Variants in EEFSEC observed in about 807,000 individuals in gnomAD.
EEFSEC encodes the protein selenocysteine-specific elongation factor.
In EEFSEC, 43 loss-of-function variants were observed where a neutral mutation model predicts 42.1. That is an observed-to-expected ratio of 1.02 (90% confidence interval 0.80 to 1.32). EEFSEC has a LOEUF of 1.32. Ranked by LOEUF, EEFSEC falls within the 40% of genes most tolerant of loss-of-function variation. EEFSEC has a pLI of 0.00. For missense variants in EEFSEC, 745 were observed against 803.6 expected (o/e 0.93, Z 0.88); for synonymous variants, 354 against 339.1 (o/e 1.04, Z -0.48).
intron 1 of EEFSEC, among the ~76,000 whole-genome samples, chr3:128,192,220 C>G (rs1191359107): frequency 6.6e-6 from 1 of 152,154 alleles, no homozygotes; most frequent in Non-Finnish European, 1.5e-5. Context: ...CTCCGGGTCT[C>G]AACCTATCCA....
At chr3:128,357,228 G>A (rs1272963017) in intron 5 of EEFSEC, among the ~76,000 whole-genome samples, 3 of 152,282 alleles carry the variant, frequency 2.0e-5, no homozygotes, top group Non-Finnish European at 4.4e-5. Context: ...CTGGGCTGGA[G>A]CTGCCAGAGA....
At chr3:128,162,643 C>A (rs2065202023) in intron 1 of EEFSEC, among the ~76,000 whole-genome samples, 1 of 152,136 alleles carries the variant, frequency 6.6e-6, no homozygotes, top group African/African-American at 2.4e-5. Context: ...GAGCAGGAAC[C>A]AACAGGAAAG....
chr3:128,218,386 A>G (rs1035793935), intron 1 of EEFSEC, among the ~76,000 whole-genome samples: 5 of 152,234 alleles, frequency 3.3e-5, no homozygotes, highest in Non-Finnish European at 7.3e-5. Flanking sequence ...AGTGCTTGAT[A>G]GAGTGGCCAG....
intron 5 of EEFSEC, among the ~76,000 whole-genome samples, chr3:128,357,727 G>C (rs992628742): frequency 3.3e-5 from 5 of 152,056 alleles, no homozygotes; most frequent in Non-Finnish European, 7.4e-5. Flanking sequence ...GAGCGGCCCG[G>C]GTGACTGTGA....
intron 4 of EEFSEC, among the ~76,000 whole-genome samples, chr3:128,293,660 C>CAAAAAAAAAAAAAAAAAAAAAA (rs759485696): frequency 9.9e-4 from 14 of 14,130 alleles, no homozygotes; most frequent in Non-Finnish European, 1.2e-3. Flanking sequence ...GACTCTATCT[C>CAAAAAAAAAAAAAAAAAAAAAA]AAAAAAAAAA....
chr3:128,228,417 T>A (rs1248115519), intron 1 of EEFSEC, among the ~76,000 whole-genome samples: 2 of 152,126 alleles, frequency 1.3e-5, no homozygotes, highest in African/African-American at 4.8e-5. Flanking sequence ...CACATGTGCA[T>A]GGGCCACGGT....
At chr3:128,351,893 G>C (rs2067390106) in intron 5 of EEFSEC, among the ~76,000 whole-genome samples, 1 of 152,220 alleles carries the variant, frequency 6.6e-6, no homozygotes, top group South Asian at 2.1e-4. Context: ...TTGTAACTGT[G>C]CTGGCCTGGA....
chr3:128,382,470 C>A (rs374548070), intron 6 of EEFSEC, among the ~76,000 whole-genome samples: 1 of 152,162 alleles, frequency 6.6e-6, no homozygotes, highest in Non-Finnish European at 1.5e-5. Context: ...TGCGTGCTCA[C>A]GCTTTTGTGT....
intron 4 of EEFSEC, among the ~76,000 whole-genome samples, chr3:128,325,288 A>G (rs1470445319): frequency 6.6e-6 from 1 of 152,172 alleles, no homozygotes; most frequent in African/African-American, 2.4e-5. Context: ...TTTGCTCCAG[A>G]TTTGGACCCA....
intron 5 of EEFSEC, 118 bp downstream of exon 5, chr3:128,342,007 C>A: frequency 7.4e-7 from 1 of 1,354,632 alleles, no homozygotes; most frequent in Non-Finnish European, 9.8e-7. Context: ...CTGGTGCCAA[C>A]CTCTGTAGTT....
At chr3:128,321,582 C>G (rs1251809970) in intron 4 of EEFSEC, among the ~76,000 whole-genome samples, 1 of 152,158 alleles carries the variant, frequency 6.6e-6, no homozygotes, top group Non-Finnish European at 1.5e-5. Context: ...TGCTGCCTGC[C>G]CAGGCCACGG....
At chr3:128,272,827 A>C (rs975251869) in intron 4 of EEFSEC, among the ~76,000 whole-genome samples, 1 of 152,120 alleles carries the variant, frequency 6.6e-6, no homozygotes, top group African/African-American at 2.4e-5. Flanking sequence ...TGGTTCACTA[A>C]GAAATTTGGG....
At chr3:128,238,693 T>A (rs1446994529) in intron 1 of EEFSEC, among the ~76,000 whole-genome samples, 2 of 152,346 alleles carry the variant, frequency 1.3e-5, no homozygotes, top group Middle Eastern at 3.4e-3. Flanking sequence ...TTCATCATGT[T>A]AGCCCAAGCT....
chr3:128,280,299 T>C (rs1231176361), intron 4 of EEFSEC, among the ~76,000 whole-genome samples: 1 of 152,236 alleles, frequency 6.6e-6, no homozygotes, highest in African/African-American at 2.4e-5. Flanking sequence ...TTAATTGGTG[T>C]TTAAATCTTT....
In EEFSEC at chr3:128,395,780, C is replaced by T. The variant is rs938955208; in HGVS notation, c.1601-12289C>T. 3.9e-5 allele frequency among the ~76,000 whole-genome samples: 6 copies of T among 152,292 alleles called. No individual in the cohort carries two copies. The East Asian group carries it at 5.8e-4, about 15-fold the overall frequency. ...TGTAGCTTAGTTAGCCCCGAGCTGA[C>T]GGAGACACAATGATACAGCACCCTC... On this transcript the variant is annotated intron_variant, in intron 6 of 6. Coordinates refer to ENST00000254730, the MANE Select transcript of EEFSEC (RefSeq NM_021937.5).
intron 6 of EEFSEC, chr3:128,362,120 C>G (rs1313793455): frequency 2.3e-6 from 1 of 425,648 alleles, no homozygotes; most frequent in Non-Finnish European, 4.9e-6. Flanking sequence ...TGGAGAAGCA[C>G]TGCACCTGGG....
chr3:128,407,931 A>G (rs1335536904), intron 6 of EEFSEC, 138 bp from the exon 7 acceptor site: 4 of 783,060 alleles, frequency 5.1e-6, no homozygotes, highest in African/African-American at 3.5e-5. Context: ...AAATGTCAGA[A>G]TGGACCACAG....
intron 1 of EEFSEC, among the ~76,000 whole-genome samples, chr3:128,176,185 CT>C (rs5852535): frequency 0.15 from 21,912 of 147,650 alleles, 1,699 homozygotes; most frequent in Admixed American, 0.21. Context: ...TCTTATTTTC[CT>C]TTTTTTTTTG....
intron 6 of EEFSEC, among the ~76,000 whole-genome samples, chr3:128,370,159 A>G (rs2067636895): frequency 6.6e-6 from 1 of 152,168 alleles, no homozygotes; most frequent in African/African-American, 2.4e-5. Flanking sequence ...GGTCTGTCTG[A>G]TATTTCTTCA....
Sources: allele counts gnomAD v4.1 joint callset (sites outside exome capture counted in the v4.1 genomes callset), GRCh38; gene constraint gnomAD v4.1.1; transcripts MANE v1.5; gene names NCBI Gene and HGNC (gene_info 2026-07-23, HGNC 2026-07-21).